Variants in TUBB8B observed in about 807,000 individuals in gnomAD.
The protein encoded by TUBB8B is tubulin beta 8B.
A neutral mutation model predicts 31.9 loss-of-function variants in TUBB8B; 26 were observed. That is an observed-to-expected ratio of 0.81 (90% CI 0.60 to 1.13). The LOEUF (loss-of-function observed/expected upper bound fraction) is 1.13, where lower values mean the gene tolerates loss of function less well. Ranked by LOEUF, TUBB8B falls within the 50% of genes most tolerant of loss-of-function variation. The pLI is 0.00. For missense variants in TUBB8B, 467 were observed against 586.7 expected (o/e 0.80, Z 2.11); for synonymous variants, 173 against 231.0 (o/e 0.75, Z 2.28).
chr18:72,527 GT>G, the TUBB8B span, among the ~76,000 whole-genome samples: 1 of 152,078 alleles, frequency 6.6e-6, no homozygotes, highest in Admixed American at 6.5e-5. Context: ...GGTTTTTTTG[GT>G]TTTGTTTTCA....
At chr18:67,620 T>C in the TUBB8B span, among the ~76,000 whole-genome samples, 1 of 152,168 alleles carries the variant, frequency 6.6e-6, no homozygotes, top group African/African-American at 2.4e-5. Context: ...ACTGTGATGG[T>C]TAATTTTAGG....
At chr18:70,875 G>A in the TUBB8B span, among the ~76,000 whole-genome samples, 1 of 150,170 alleles carries the variant, frequency 6.7e-6, no homozygotes, top group African/African-American at 2.4e-5. Flanking sequence ...GGAGTCAGAG[G>A]TTGCAGTGAG....
the TUBB8B span, among the ~76,000 whole-genome samples, chr18:69,612 T>C: frequency 6.6e-6 from 1 of 152,358 alleles, no homozygotes; most frequent in South Asian, 2.1e-4. Context: ...CAAGAAACTC[T>C]GGTCAGTAAC....
At chr18:65,454 TAAAC>T in the TUBB8B span, among the ~76,000 whole-genome samples, 1 of 152,194 alleles carries the variant, frequency 6.6e-6, no homozygotes, top group Middle Eastern at 3.4e-3. Flanking sequence ...AAACATCAAA[TAAAC>T]AGAATAAAGA....
the TUBB8B span, among the ~76,000 whole-genome samples, chr18:58,779 T>A: frequency 1.3e-5 from 2 of 151,906 alleles, no homozygotes; most frequent in East Asian, 3.9e-4. Context: ...TAAGCTTTTT[T>A]CCCATCACTA....
At chr18:50,041 T>C, upstream of TUBB8B, 1 of 387,144 alleles carries the variant, frequency 2.6e-6, no homozygotes, top group South Asian at 1.9e-5. Flanking sequence ...TTATACGTTT[T>C]ACTTTGGAGC....
In TUBB8B at chr18:48,094, A is replaced by C. The variant is rs535123276; in HGVS notation, c.631T>G (p.Cys211Gly). 1 of 1,613,910 alleles carries C rather than the reference A, an allele frequency of 6.2e-7. No individual in the cohort carries two copies. Among genetic ancestry groups the C allele is most frequent in the Non-Finnish European group, 8.5e-7 (1 of 1,179,948 alleles). ...CIDNEALYDI[C>G]SRTLKLPTPT... is the part of the protein sequence containing the mutation. The stretch of plus-strand genomic sequence containing the variant: ...GTGGGCAGTTTTAGGGTCCTGGAAC[A>C]TATGTCATATAGCGCTTCGTTATCT... The change falls in exon 4 of 4, where the codon TGT becomes GGT. Residue 211 changes from cysteine (C) to glycine (G), a missense_variant. Cys to Gly is a radical substitution (Grantham distance 159). Transcript: ENST00000308911.
upstream of TUBB8B, among the ~76,000 whole-genome samples, chr18:50,816 C>T (rs1367040201): frequency 6.6e-6 from 1 of 151,822 alleles, no homozygotes; most frequent in African/African-American, 2.4e-5. Context: ...GCTGTGGCAT[C>T]TACAAGGGCA....
the TUBB8B span, among the ~76,000 whole-genome samples, chr18:58,829 G>A: frequency 6.6e-6 from 1 of 151,670 alleles, no homozygotes; most frequent in South Asian, 2.1e-4. Context: ...TTAAAAAGGA[G>A]GTTTAAGTGG....
chr18:49,552 C>A lies in TUBB8B; in HGVS notation c.6G>T (p.Arg2Ser), dbSNP rs1470447021. 2 of 868,166 alleles carry A rather than the reference C, an allele frequency of 2.3e-6. No individual in the cohort carries two copies. The highest frequency in any genetic ancestry group is 2.3e-5 in the Admixed American group (1 of 44,054). The allele number at this position is 868,166 out of a possible 1,614,324, so 53.8% of individuals were successfully genotyped here. Residue 2 changes from arginine (R) to serine (S), a missense_variant, in exon 1 of 4, where the codon AGG becomes AGT. By Grantham distance (110) the Arg-to-Ser change is moderately radical. Transcript: ENST00000308911. Reference protein sequence around the residue: MREIVLTQTGQC... With the variant: MSEIVLTQTGQC... ...GCCCGGTCTGCGTGAGCACGATTTC[C>A]CTCATGGCCAAGGCAGGATTAGGGC...
chr18:63,071 G>C, the TUBB8B span, among the ~76,000 whole-genome samples: 12 of 151,852 alleles, frequency 7.9e-5, 1 homozygote, highest in South Asian at 1.7e-3. Flanking sequence ...ACCTCAACCA[G>C]CTATTTAGGA....
At chr18:53,483 G>A (rs1344153704), upstream of TUBB8B, among the ~76,000 whole-genome samples, 7 of 151,602 alleles carry the variant, frequency 4.6e-5, no homozygotes, top group East Asian at 5.8e-4. Flanking sequence ...TATCATTATC[G>A]TTTTGAGACA....
At chr18:65,807 T>C in the TUBB8B span, among the ~76,000 whole-genome samples, 2 of 152,190 alleles carry the variant, frequency 1.3e-5, no homozygotes, top group African/African-American at 2.4e-5. Flanking sequence ...AGAAATATCA[T>C]GACAAACCCC....
upstream of TUBB8B, among the ~76,000 whole-genome samples, chr18:54,321 C>T (rs200408167): frequency 2.3e-3 from 334 of 144,352 alleles, 5 homozygotes; most frequent in East Asian, 5.0e-3. Context: ...AGGCATGTAA[C>T]GAGTAATACA....
chr18:72,196 A>AAAACAAAAAAAAAAAAAC, the TUBB8B span, among the ~76,000 whole-genome samples: 1 of 84,536 alleles, frequency 1.2e-5, no homozygotes, highest in African/African-American at 3.9e-5. Context: ...AAAAAAAAAA[A>AAAACAAAAAAAAAAAAAC]AAAGGAAAAA....
chr18:67,005 T>G, the TUBB8B span, among the ~76,000 whole-genome samples: 10 of 151,714 alleles, frequency 6.6e-5, no homozygotes, highest in Admixed American at 1.3e-4. Context: ...TGTTTTTTTT[T>G]TTTTTCCAGA....
At chr18:59,636 C>T in the TUBB8B span, among the ~76,000 whole-genome samples, 28 of 150,470 alleles carry the variant, frequency 1.9e-4, no homozygotes, top group Non-Finnish European at 3.8e-4. Flanking sequence ...CTCTGCCTCC[C>T]GGGTTCAAGT....
upstream of TUBB8B, among the ~76,000 whole-genome samples, chr18:54,122 T>C (rs1321528917): frequency 6.6e-6 from 1 of 151,798 alleles, no homozygotes; most frequent in African/African-American, 2.4e-5. Flanking sequence ...TAAGCCCCTA[T>C]TGACTAAATG....
the TUBB8B span, among the ~76,000 whole-genome samples, chr18:62,120 A>C: frequency 1.3e-5 from 2 of 151,704 alleles, no homozygotes; most frequent in African/African-American, 2.4e-5. Context: ...ATTCTAAAGT[A>C]AAGTCTTTTT....
Sources: allele counts gnomAD v4.1 joint callset (sites outside exome capture counted in the v4.1 genomes callset), GRCh38; gene constraint gnomAD v4.1.1; transcripts MANE v1.5; gene names NCBI Gene and HGNC (gene_info 2026-07-23, HGNC 2026-07-21).